The following GALNT13 variants were observed in gnomAD, a reference collection of about 807,000 sequenced individuals.
The protein encoded by GALNT13 is polypeptide N-acetylgalactosaminyltransferase 13, also known as UDP-GalNAc:polypeptide N-acetylgalactosaminyltransferase 13.
GALNT13 carries 28 observed loss-of-function variants against 64.2 expected under a neutral mutation model. The ratio of observed to expected loss-of-function variants is 0.44; its 90% CI spans 0.32 to 0.60. The LOEUF (loss-of-function observed/expected upper bound fraction) is 0.60, where lower values mean the gene tolerates loss of function less well. Among genes scored for constraint, GALNT13 ranks in the 20% least tolerant of loss-of-function variants. The pLI is 0.05. For synonymous variants in GALNT13, 214 were observed against 224.6 expected, an observed-to-expected ratio of 0.95 and a Z score of 0.42; for missense variants, 577 against 669.8, an observed-to-expected ratio of 0.86 and a Z score of 1.53.
chr2:153,857,116 C>A, the GALNT13 span, among the ~76,000 whole-genome samples: 1 of 152,106 alleles, frequency 6.6e-6, no homozygotes, highest in Non-Finnish European at 1.5e-5. Context: ...TAGTGATATG[C>A]TATAGCCAGC....
chr2:153,422,591 CAA>C, the GALNT13 span, among the ~76,000 whole-genome samples: 1 of 152,014 alleles, frequency 6.6e-6, no homozygotes, highest in East Asian at 1.9e-4. Context: ...AAAAAGTGCT[CAA>C]AGTTAATTCT....
chr2:154,140,271 A>C, intron 3 of GALNT13, 66 bp from the exon 4 acceptor site: 1 of 1,184,958 alleles, frequency 8.4e-7, no homozygotes, highest in Non-Finnish European at 1.2e-6. Context: ...CAGACACACA[A>C]GTTTATTTAT....
At chr2:154,019,444 C>A (rs1558911388) in intron 3 of GALNT13, among the ~76,000 whole-genome samples, 1 of 151,994 alleles carries the variant, frequency 6.6e-6, no homozygotes, top group Non-Finnish European at 1.5e-5. Flanking sequence ...ACCATCCTGG[C>A]CAACATGGTG....
the GALNT13 span, among the ~76,000 whole-genome samples, chr2:153,544,377 G>A: frequency 1.3e-5 from 2 of 152,142 alleles, no homozygotes; most frequent in African/African-American, 4.8e-5. Flanking sequence ...ATGTCTGTGG[G>A]AACTGGTAAC....
chr2:153,731,296 G>C, the GALNT13 span, among the ~76,000 whole-genome samples: 2 of 151,818 alleles, frequency 1.3e-5, no homozygotes, highest in African/African-American at 4.8e-5. Flanking sequence ...TGGAAGCTAA[G>C]TGATGTGTAC....
In GALNT13 at chr2:153,987,003, T is replaced by C. The variant is rs542169208; in HGVS notation, c.142+42364T>C. On this transcript the variant is annotated intron_variant, in intron 3 of 12. Transcript: ENST00000392825. ...AGTTTGGAGGGAAATAAGAGAAGCG[T>C]AAGAGCCAGTAAACAGGGTATCACA... is the stretch of plus-strand genomic sequence containing the variant. Among the ~76,000 whole-genome samples the C allele has an allele frequency of 2.6e-5, 4 of 151,944 alleles. No homozygotes were observed. The South Asian group carries it at 6.2e-4, about 24-fold the overall frequency.
At chr2:153,748,868 G>A in the GALNT13 span, among the ~76,000 whole-genome samples, 2 of 150,576 alleles carry the variant, frequency 1.3e-5, no homozygotes, top group Non-Finnish European at 3.0e-5. Flanking sequence ...AATGATACCT[G>A]GAAAAAAAAA....
chr2:153,085,798 G>A, the GALNT13 span, among the ~76,000 whole-genome samples: 4 of 152,142 alleles, frequency 2.6e-5, no homozygotes, highest in African/African-American at 9.7e-5. Context: ...TAATGGAGCT[G>A]TGAGAAGAGG....
the GALNT13 span, among the ~76,000 whole-genome samples, chr2:153,170,310 GT>G: frequency 1.1e-3 from 161 of 151,498 alleles, no homozygotes; most frequent in East Asian, 8.7e-3. Context: ...TAAGCTAATT[GT>G]TTTTTTTAAT....
the GALNT13 span, among the ~76,000 whole-genome samples, chr2:153,398,191 C>A: frequency 6.6e-6 from 1 of 151,254 alleles, no homozygotes; most frequent in Non-Finnish European, 1.5e-5. Flanking sequence ...TTTGTTCTTG[C>A]GATAGTTTAC....
the GALNT13 span, among the ~76,000 whole-genome samples, chr2:153,438,924 C>T: frequency 3.3e-5 from 5 of 152,260 alleles, no homozygotes; most frequent in East Asian, 5.8e-4. Flanking sequence ...AGTTTTTCTG[C>T]TCTGTTTTTT....
chr2:153,490,312 A>G, the GALNT13 span, among the ~76,000 whole-genome samples: 4 of 152,184 alleles, frequency 2.6e-5, no homozygotes, highest in Non-Finnish European at 5.9e-5. Context: ...TTAAAAAATG[A>G]TTGGTATTTT....
At chr2:153,627,630 G>A in the GALNT13 span, among the ~76,000 whole-genome samples, 1 of 151,956 alleles carries the variant, frequency 6.6e-6, no homozygotes, top group African/African-American at 2.4e-5. Flanking sequence ...TGAAAGTAAT[G>A]GCAAAACCCA....
At chr2:154,060,602 C>G (rs1034605101) in intron 3 of GALNT13, among the ~76,000 whole-genome samples, 1 of 152,082 alleles carries the variant, frequency 6.6e-6, no homozygotes, top group Non-Finnish European at 1.5e-5. Flanking sequence ...GTGATTTCCC[C>G]GGCCTAGGGC....
chr2:153,276,240 A>G, the GALNT13 span, among the ~76,000 whole-genome samples: 5,417 of 152,072 alleles, frequency 0.036, 330 homozygotes, highest in African/African-American at 0.12. Context: ...TTGCGTTTAT[A>G]CTTTGTTTTG....
chr2:153,100,893 G>T, the GALNT13 span, among the ~76,000 whole-genome samples: 1 of 152,078 alleles, frequency 6.6e-6, no homozygotes, highest in African/African-American at 2.4e-5. Flanking sequence ...GCTGGGCATG[G>T]TGGTGCATGC....
chr2:153,687,510 T>C, the GALNT13 span, among the ~76,000 whole-genome samples: 7 of 152,024 alleles, frequency 4.6e-5, no homozygotes, highest in Non-Finnish European at 1.0e-4. Flanking sequence ...TCATTTCTGA[T>C]TGTGTTTATT....
the GALNT13 span, among the ~76,000 whole-genome samples, chr2:153,573,164 G>A: frequency 6.6e-6 from 1 of 151,844 alleles, no homozygotes; most frequent in Non-Finnish European, 1.5e-5. Flanking sequence ...ATATCCTCTT[G>A]CTGAATTGAC....
At chr2:153,149,619 A>C in the GALNT13 span, among the ~76,000 whole-genome samples, 2 of 151,766 alleles carry the variant, frequency 1.3e-5, no homozygotes, top group African/African-American at 4.8e-5. Context: ...AGATCCTTTC[A>C]ACACTCATTT....
Sources: gnomAD v4.1 joint callset for allele counts (sites outside exome capture counted in the v4.1 genomes callset) on GRCh38, gnomAD v4.1.1 for gene constraint, MANE v1.5 for transcripts, NCBI Gene and HGNC (gene_info 2026-07-23, HGNC 2026-07-21) for gene names.